The following LMO2 variants were observed in gnomAD, a reference collection of about 807,000 sequenced individuals.
LMO2 encodes the protein LIM domain only 2.
In LMO2, 20 loss-of-function variants were observed where a neutral mutation model predicts 23.2. The observed-to-expected ratio is 0.86, with a 90% CI of 0.61 to 1.25. The LOEUF (loss-of-function observed/expected upper bound fraction) is 1.25. Ranked by LOEUF, LMO2 falls within the 50% of genes most tolerant of loss-of-function variation. LMO2 has a pLI of 0.00. For missense variants in LMO2, 270 were observed against 315.3 expected, an observed-to-expected ratio of 0.86 and a Z score of 1.09; for synonymous variants, 123 against 130.2, an observed-to-expected ratio of 0.94 and a Z score of 0.38.
chr11:33,870,908 G>A lies in LMO2; in HGVS notation c.-271-921C>T, dbSNP rs140698218. On this transcript the variant is annotated intron_variant, in intron 2 of 5. Coordinates refer to ENST00000257818, the MANE Select transcript of LMO2 (RefSeq NM_005574.4). ...CGCAGAGGGGAAGCGGGGGAGGCTA[G>A]TAGTTTGCCCTTCCGTGGAGAAAAA... 1.6e-3 allele frequency: 379 copies of A among 232,300 alleles called. 1 individual carries two copies. The highest frequency in any genetic ancestry group is 8.5e-3 in the African/African-American group (364 of 42,936). The allele number at this position is 232,300 out of a possible 1,614,324, so 14.4% of individuals were successfully genotyped here. A position where few individuals can be genotyped will look rare whatever the true frequency, so the allele number is the denominator to read the frequency against.
chr11:33,881,344 CTTT>C, intron 2 of LMO2: 1 of 456,738 alleles, frequency 2.2e-6, no homozygotes. Flanking sequence ...CTGGAAATAT[CTTT>C]TATCTGGCAA....
At chr11:33,867,204 T>G (rs1856820716) in intron 4 of LMO2, among the ~76,000 whole-genome samples, 1 of 152,186 alleles carries the variant, frequency 6.6e-6, no homozygotes, top group African/African-American at 2.4e-5. Context: ...CTGGCTGGCT[T>G]TCTGTCCAAA....
Position 33,869,717 on chromosome 11 carries a change from C to G in LMO2, c.-1G>C. 3.9e-6 allele frequency: 5 copies of G among 1,282,530 alleles called. No individual in the cohort carries two copies. Among genetic ancestry groups the G allele is most frequent in the Non-Finnish European group, 5.0e-6 (5 of 993,242 alleles). The allele number at this position is 1,282,530 out of a possible 1,614,324, so 79.4% of individuals were successfully genotyped here. ...TGCTGCTCAGGACTTAACCTTCCAT[C>G]CCGGTCCCGCCGCCGCCACCGCCCG... is the stretch of plus-strand genomic sequence containing the variant. On this transcript the variant is annotated 5_prime_UTR_variant, in exon 3 of 6. Coordinates refer to ENST00000257818, the MANE Select transcript of LMO2 (RefSeq NM_005574.4).
intron 1 of LMO2, among the ~76,000 whole-genome samples, chr11:33,887,702 T>G (rs1857446848): frequency 6.6e-6 from 1 of 152,062 alleles, no homozygotes; most frequent in Admixed American, 6.6e-5. Flanking sequence ...GCTTGGCTAA[T>G]TTTTGTTTTG....
chr11:33,870,523 A>G (rs904849468), intron 2 of LMO2: 10 of 985,806 alleles, frequency 1.0e-5, no homozygotes, highest in Non-Finnish European at 1.2e-5. Flanking sequence ...CGCGCTCTGC[A>G]GAGGCGATGG....
At position 33,862,589 on chromosome 11, in the gene LMO2, C is replaced by T. The variant is rs752111137; in HGVS notation, c.464+2013G>A. Among the ~76,000 whole-genome samples the T allele has an allele frequency of 3.7e-5, 4 of 108,412 alleles. No individual in the cohort carries two copies. In the South Asian group the frequency reaches 1.6e-3, roughly 42 times the overall value. The allele number at this position is 108,412 out of a possible 152,430, so 71.1% of individuals were successfully genotyped here. Reference sequence around the variant, plus strand: ...GCAACTCAGCCATTGGAAATCCTCACGGGGACAAGTTATCCTAGGGGTGAA... The same window carrying T: ...GCAACTCAGCCATTGGAAATCCTCATGGGGACAAGTTATCCTAGGGGTGAA... On this transcript the variant is annotated intron_variant, in intron 5 of 5. Transcript: ENST00000257818.
chr11:33,873,746 G>C (rs1211420893), intron 2 of LMO2, among the ~76,000 whole-genome samples: 2 of 151,234 alleles, frequency 1.3e-5, no homozygotes, highest in East Asian at 3.9e-4. Context: ...GAATAAGAAT[G>C]CTAGAAGAAG....
Position 33,858,639 on chromosome 11 carries a change from TTG to T in LMO2, c.*715_*716del, listed in dbSNP as rs1281308389. ...TTTTTTTCTACACACGACAAATACT[TTG>T]ATATAATCTAGGATAATAAAATAGT... On this transcript the variant is annotated 3_prime_UTR_variant, in exon 6 of 6. Transcript: ENST00000257818. 2 of 185,024 alleles carry T rather than the reference TTG, an allele frequency of 1.1e-5. No homozygotes were observed. The highest frequency in any genetic ancestry group is 2.3e-5 in the Non-Finnish European group (2 of 87,428). 11.5% of individuals were successfully genotyped at this position (185,024 alleles called of 1,614,324 possible). A position where few individuals can be genotyped will look rare whatever the true frequency, so the allele number is the denominator to read the frequency against.
At chr11:33,874,832 T>C (rs1450226786) in intron 2 of LMO2, among the ~76,000 whole-genome samples, 2 of 152,256 alleles carry the variant, frequency 1.3e-5, no homozygotes, top group Non-Finnish European at 2.9e-5. Context: ...TGATTTCATC[T>C]GATTTTCCCC....
Position 33,861,685 on chromosome 11 carries a change from T to G in LMO2, c.465-2110A>C, listed in dbSNP as rs1201136384. Among the ~76,000 whole-genome samples, 3 of 152,154 alleles carry G rather than the reference T, an allele frequency of 2.0e-5. No homozygotes were observed. In the East Asian group the frequency reaches 5.8e-4, roughly 29 times the overall value. On this transcript the variant is annotated intron_variant, in intron 5 of 5. Coordinates refer to ENST00000257818, the MANE Select transcript of LMO2 (RefSeq NM_005574.4). ...AGGATGAACGACTGAGAAAACAGTG[T>G]GCATGGAATGAATCCAACTGCCTGG...
intron 1 of LMO2, among the ~76,000 whole-genome samples, chr11:33,889,390 G>T (rs1002341054): frequency 6.6e-6 from 1 of 152,128 alleles, no homozygotes; most frequent in Admixed American, 6.5e-5. Flanking sequence ...GGCCAGATAC[G>T]GGCCAGGCAG....
chr11:33,869,842 G>A lies in LMO2; in HGVS notation c.-126C>T. On this transcript the variant is annotated 5_prime_UTR_variant, in exon 3 of 6. Transcript: ENST00000257818. ...CCTCGCACCTTCGGCCCGGGTCGCG[G>A]CGCGCTGCTCGCCGCCGAGGGCAGA... is the stretch of plus-strand genomic sequence containing the variant. The A allele has an allele frequency of 9.4e-7, 1 of 1,065,340 alleles. No individual in the cohort carries two copies. Among genetic ancestry groups the A allele is most frequent in the Admixed American group, 5.4e-5 (1 of 18,640 alleles). 66.0% of individuals were successfully genotyped at this position (1,065,340 alleles called of 1,614,324 possible).
intron 1 of LMO2, among the ~76,000 whole-genome samples, chr11:33,883,776 T>C (rs746482): frequency 0.013 from 1,924 of 152,238 alleles, 36 homozygotes; most frequent in African/African-American, 0.044. Context: ...ATTTTATGGG[T>C]GATGAAACTG....
intron 4 of LMO2, 58 bp downstream of exon 4, chr11:33,869,287 GC>G: frequency 1.8e-6 from 2 of 1,116,706 alleles, no homozygotes; most frequent in Non-Finnish European, 2.2e-6. Context: ...TCCCCCCGAC[GC>G]TCCGGGACGC....
intron 1 of LMO2, among the ~76,000 whole-genome samples, chr11:33,887,138 T>G (rs563831047): frequency 3.9e-5 from 6 of 152,346 alleles, no homozygotes; most frequent in African/African-American, 1.4e-4. Flanking sequence ...TTATTATGGA[T>G]GAGGGGCCCA....
At chr11:33,863,040 A>G (rs750612738) in intron 5 of LMO2, among the ~76,000 whole-genome samples, 21 of 151,980 alleles carry the variant, frequency 1.4e-4, no homozygotes, top group Non-Finnish European at 2.8e-4. Flanking sequence ...AACGGTAGAG[A>G]TAGGGAGAAG....
intron 2 of LMO2, among the ~76,000 whole-genome samples, chr11:33,873,352 A>C (rs1035543946): frequency 1.3e-5 from 2 of 152,348 alleles, no homozygotes; most frequent in African/African-American, 2.4e-5. Context: ...TGGTATCTTA[A>C]GATTTCAATT....
chr11:33,870,023 A>C (rs943525988), intron 2 of LMO2, 36 bp from the exon 3 acceptor site: 6 of 905,416 alleles, frequency 6.6e-6, no homozygotes, highest in Non-Finnish European at 8.0e-6. Context: ...AGGAAATCAC[A>C]TTTAAAGAGA....
At chr11:33,878,756 C>T (rs1202116848) in intron 2 of LMO2, among the ~76,000 whole-genome samples, 1 of 152,194 alleles carries the variant, frequency 6.6e-6, no homozygotes, top group Non-Finnish European at 1.5e-5. Context: ...AGCCCTTGGT[C>T]CTAGTGCCTA....
Sources: gnomAD v4.1 joint callset for allele counts (sites outside exome capture counted in the v4.1 genomes callset) on GRCh38, gnomAD v4.1.1 for gene constraint, MANE v1.5 for transcripts, NCBI Gene and HGNC (gene_info 2026-07-23, HGNC 2026-07-21) for gene names.